Variants in RBM20 observed in about 807,000 individuals in gnomAD.
RBM20 encodes RNA-binding protein 20.
Under a neutral mutation model 110.1 loss-of-function variants are expected in RBM20, and 51 were observed. The observed-to-expected ratio is 0.46, with a 90% CI of 0.37 to 0.59. The LOEUF (loss-of-function observed/expected upper bound fraction) is 0.59, where lower values mean the gene tolerates loss of function less well. Among genes scored for constraint, RBM20 ranks in the 20% least tolerant of loss-of-function variants. RBM20 has a pLI of 0.00. For synonymous variants in RBM20, 589 were observed against 618.2 expected (o/e 0.95, Z 0.70); for missense variants, 1,512 against 1,574.9 (o/e 0.96, Z 0.68).
intron 1 of RBM20, among the ~76,000 whole-genome samples, chr10:110,764,830 G>A (rs1260385923): frequency 1.3e-5 from 2 of 152,196 alleles, no homozygotes; most frequent in Non-Finnish European, 1.5e-5. Flanking sequence ...AGAAAGGTAA[G>A]GTTGCATGAC....
At chr10:110,696,629 G>A (rs962635824) in intron 1 of RBM20, among the ~76,000 whole-genome samples, 7 of 152,140 alleles carry the variant, frequency 4.6e-5, no homozygotes, top group Non-Finnish European at 7.4e-5. Context: ...AAGCGCAACC[G>A]TGGGCTGGGG....
At chr10:110,825,833 A>G (rs2135129321) in intron 12 of RBM20, among the ~76,000 whole-genome samples, 1 of 152,290 alleles carries the variant, frequency 6.6e-6, no homozygotes, top group Admixed American at 6.5e-5. Flanking sequence ...CAAAACACCT[A>G]TGAGGTAGGT....
chr10:110,780,496 A>G lies in RBM20; in HGVS notation c.192-305A>G, dbSNP rs572279625. 7.2e-5 allele frequency among the ~76,000 whole-genome samples: 11 copies of G among 152,334 alleles called. 1 individual carries two copies. In the South Asian group the frequency reaches 1.0e-3, roughly 14 times the overall value. On this transcript the variant is annotated intron_variant, in intron 1 of 13. Transcript: ENST00000369519. ...ATTGTGCCTATTCTACTCTCTCTCCAACACGGAGTGCCATTTTAAAAAATT... is the reference window on the plus strand; with the variant it reads ...ATTGTGCCTATTCTACTCTCTCTCCGACACGGAGTGCCATTTTAAAAAATT...
At chr10:110,733,571 C>G (rs777246002) in intron 1 of RBM20, among the ~76,000 whole-genome samples, 1 of 152,250 alleles carries the variant, frequency 6.6e-6, no homozygotes, top group Non-Finnish European at 1.5e-5. Flanking sequence ...GTTCTGTACC[C>G]TGATTGAGGT....
At chr10:110,815,796 C>T (rs968030676) in intron 9 of RBM20, among the ~76,000 whole-genome samples, 1 of 152,224 alleles carries the variant, frequency 6.6e-6, no homozygotes, top group Non-Finnish European at 1.5e-5. Flanking sequence ...AAAAGAATCT[C>T]AGAAAGCCCC....
chr10:110,712,632 C>T (rs1006666962), intron 1 of RBM20, among the ~76,000 whole-genome samples: 1 of 152,118 alleles, frequency 6.6e-6, no homozygotes, highest in African/African-American at 2.4e-5. Context: ...CAGGGCGTGG[C>T]AGTGCCTGCC....
intron 1 of RBM20, among the ~76,000 whole-genome samples, chr10:110,722,063 G>A (rs1056183871): frequency 6.6e-6 from 1 of 152,106 alleles, no homozygotes; most frequent in African/African-American, 2.4e-5. Flanking sequence ...GGATGATGTA[G>A]TTTAGAGCAA....
intron 1 of RBM20, among the ~76,000 whole-genome samples, chr10:110,704,054 G>A (rs1285143861): frequency 2.0e-5 from 3 of 152,216 alleles, no homozygotes; most frequent in Non-Finnish European, 4.4e-5. Flanking sequence ...GGAGGTTGCA[G>A]TAAGCTGAGA....
chr10:110,723,972 A>T (rs1222905561), intron 1 of RBM20, among the ~76,000 whole-genome samples: 3 of 152,226 alleles, frequency 2.0e-5, no homozygotes, highest in Non-Finnish European at 4.4e-5. Flanking sequence ...ATTTGTTAGT[A>T]GATGACAGAC....
chr10:110,759,159 T>C (rs1474536876), intron 1 of RBM20, among the ~76,000 whole-genome samples: 2 of 152,232 alleles, frequency 1.3e-5, no homozygotes, highest in African/African-American at 4.8e-5. Context: ...TTTTCGGCGC[T>C]GAGCTTGTTC....
At chr10:110,656,498 T>C (rs1310974252) in intron 1 of RBM20, among the ~76,000 whole-genome samples, 2 of 152,114 alleles carry the variant, frequency 1.3e-5, no homozygotes, top group African/African-American at 4.8e-5. Context: ...CTTCTTTCAC[T>C]ATTTTAAAGT....
intron 6 of RBM20, among the ~76,000 whole-genome samples, chr10:110,798,909 A>C (rs1190519531): frequency 6.6e-6 from 1 of 152,178 alleles, no homozygotes; most frequent in Non-Finnish European, 1.5e-5. Context: ...CACCACACCA[A>C]CTACTGGGGT....
chr10:110,774,816 T>C (rs561022559), intron 1 of RBM20, among the ~76,000 whole-genome samples: 9 of 152,282 alleles, frequency 5.9e-5, no homozygotes, highest in South Asian at 4.1e-4. Context: ...GACTGTTGTG[T>C]TGTCATTGTC....
In RBM20 at chr10:110,652,390, G is replaced by T. The variant is rs561738979; in HGVS notation, c.191+7745G>T. Among the ~76,000 whole-genome samples the T allele has an allele frequency of 5.9e-5, 9 of 152,182 alleles. No homozygotes were observed. In the South Asian group the frequency reaches 1.7e-3, roughly 28 times the overall value. ...TCTTTTTTTCTTCCTTTTTAATATG[G>T]TCTATTTTTTTAAAATTCAGTGAGC... On this transcript the variant is annotated intron_variant, in intron 1 of 13. Transcript: ENST00000369519.
intron 1 of RBM20, among the ~76,000 whole-genome samples, chr10:110,675,253 G>A (rs192932572): frequency 7.2e-5 from 11 of 152,262 alleles, no homozygotes. Flanking sequence ...CTGTTTTGGT[G>A]AATAAGTTTA....
At chr10:110,832,157 CT>C (rs1433775634) in intron 13 of RBM20, among the ~76,000 whole-genome samples, 7 of 152,104 alleles carry the variant, frequency 4.6e-5, no homozygotes, top group Non-Finnish European at 1.0e-4. Context: ...TCATGATTAA[CT>C]TCTGGCATGG....
chr10:110,766,318 T>TTTG (rs1554897192), intron 1 of RBM20, among the ~76,000 whole-genome samples: 1 of 149,184 alleles, frequency 6.7e-6, no homozygotes, highest in Non-Finnish European at 1.5e-5. Flanking sequence ...ACTTTGTTTT[T>TTTG]TTTTTTGTTT....
At chr10:110,662,857 G>A (rs1456076351) in intron 1 of RBM20, among the ~76,000 whole-genome samples, 1 of 152,198 alleles carries the variant, frequency 6.6e-6, no homozygotes, top group Non-Finnish European at 1.5e-5. Context: ...GCAGCCTGTA[G>A]GCTCTGATCT....
intron 1 of RBM20, among the ~76,000 whole-genome samples, chr10:110,734,993 G>T (rs1843656500): frequency 6.6e-6 from 1 of 152,092 alleles, no homozygotes; most frequent in Non-Finnish European, 1.5e-5. Context: ...TTCTTCCAGT[G>T]TATCCACAGT....
Sources: gnomAD v4.1 joint callset for allele counts (sites outside exome capture counted in the v4.1 genomes callset) on GRCh38, gnomAD v4.1.1 for gene constraint, MANE v1.5 for transcripts, NCBI Gene and HGNC (gene_info 2026-07-23, HGNC 2026-07-21) for gene names.